SORCS2: variants seen among roughly 807,000 people sequenced by gnomAD.
The protein encoded by SORCS2 is sortilin related VPS10 domain containing receptor 2, also known as VPS10 domain-containing receptor SorCS2.
A neutral mutation model predicts 141.6 loss-of-function variants in SORCS2; 100 were observed. The observed-to-expected ratio is 0.71, with a 90% CI of 0.60 to 0.83. The LOEUF (loss-of-function observed/expected upper bound fraction) is 0.83. Ranked by LOEUF, SORCS2 falls within the 40% of genes least tolerant of loss-of-function variation. The pLI, the probability that SORCS2 is intolerant of heterozygous loss-of-function variation, is 0.00. For missense variants in SORCS2, 1,646 were observed against 1,560.2 expected (o/e 1.05, Z -0.93); for synonymous variants, 789 against 676.9 (o/e 1.17, Z -2.57).
intron 2 of SORCS2, among the ~76,000 whole-genome samples, chr4:7,414,007 G>C (rs1056122281): frequency 3.3e-5 from 5 of 152,204 alleles, no homozygotes; most frequent in African/African-American, 1.2e-4. Flanking sequence ...AGACGAAAGA[G>C]CCATTTAGGG....
intron 1 of SORCS2, among the ~76,000 whole-genome samples, chr4:7,317,823 C>T (rs947502391): frequency 2.6e-5 from 4 of 152,288 alleles, no homozygotes; most frequent in East Asian, 3.9e-4. Context: ...CTCCACCATT[C>T]AGCTGATTCT....
intron 3 of SORCS2, among the ~76,000 whole-genome samples, chr4:7,591,625 A>C (rs893876610): frequency 1.3e-5 from 2 of 152,234 alleles, no homozygotes; most frequent in African/African-American, 4.8e-5. Context: ...GGCTCTTGGC[A>C]GTAGCTCTTT....
At chr4:7,492,624 C>T (rs1253156859) in intron 2 of SORCS2, among the ~76,000 whole-genome samples, 2 of 152,222 alleles carry the variant, frequency 1.3e-5, no homozygotes, top group Non-Finnish European at 2.9e-5. Flanking sequence ...AACGTCTGTA[C>T]TATTTTCCAC....
chr4:7,531,652 C>T (rs759069714), intron 3 of SORCS2, 23 bp downstream of exon 3: 14 of 1,604,854 alleles, frequency 8.7e-6, no homozygotes, highest in Admixed American at 6.7e-5. Flanking sequence ...TGGGGGTGGC[C>T]GCCACTCTGG....
chr4:7,543,610 GTCCATCCACCCA>G (rs1284783344), intron 3 of SORCS2, among the ~76,000 whole-genome samples: 3 of 52,126 alleles, frequency 5.8e-5, no homozygotes, highest in African/African-American at 1.6e-4. Flanking sequence ...CCATCCATCC[GTCCATCCACCCA>G]TCCATCCACC....
At chr4:7,354,579 G>C (rs528999615) in intron 1 of SORCS2, among the ~76,000 whole-genome samples, 7 of 152,210 alleles carry the variant, frequency 4.6e-5, no homozygotes, top group African/African-American at 1.7e-4. Flanking sequence ...CCTCTTTTGG[G>C]GTTTCTCTTC....
At chr4:7,616,802 T>G (rs988621389) in intron 3 of SORCS2, among the ~76,000 whole-genome samples, 1 of 152,260 alleles carries the variant, frequency 6.6e-6, no homozygotes, top group Non-Finnish European at 1.5e-5. Context: ...ATTTAATTAC[T>G]TGGTTTTAAA....
chr4:7,590,130 C>T (rs760507262), intron 3 of SORCS2, among the ~76,000 whole-genome samples: 8 of 152,242 alleles, frequency 5.3e-5, no homozygotes, highest in Middle Eastern at 3.4e-3. Flanking sequence ...GCATTCTGGC[C>T]GCACAGACAC....
chr4:7,549,099 C>T (rs1577732540), intron 3 of SORCS2, among the ~76,000 whole-genome samples: 1 of 152,090 alleles, frequency 6.6e-6, no homozygotes, highest in African/African-American at 2.4e-5. Context: ...AGGAGCGTGC[C>T]CCCAGCAAGG....
At position 7,740,970 on chromosome 4, in the gene SORCS2, G is replaced by A. The variant is rs1577146167; in HGVS notation, c.*706G>A. On this transcript the variant is annotated 3_prime_UTR_variant, in exon 27 of 27. Transcript: ENST00000507866. Reference sequence around the variant, plus strand: ...CCCAGGGTGTCTCCTCTGCCCAGAGGGGCAGCAGCTCTCCCTGGTTCTCCC... The same window carrying A: ...CCCAGGGTGTCTCCTCTGCCCAGAGAGGCAGCAGCTCTCCCTGGTTCTCCC... 5.0e-6 allele frequency: 2 copies of A among 398,230 alleles called. No homozygotes were observed. Among genetic ancestry groups the A allele is most frequent in the East Asian group, 3.6e-5 (1 of 28,032 alleles). The allele number at this position is 398,230 out of a possible 1,614,324, so 24.7% of individuals were successfully genotyped here. A position where few individuals can be genotyped will look rare whatever the true frequency, so the allele number is the denominator to read the frequency against.
At chr4:7,710,912 C>A (rs1308362359) in intron 14 of SORCS2, among the ~76,000 whole-genome samples, 2 of 152,180 alleles carry the variant, frequency 1.3e-5, no homozygotes, top group East Asian at 3.8e-4. Flanking sequence ...TGGTCTGGGG[C>A]TCCTGAACCC....
At chr4:7,654,751 G>A (rs1560459415) in intron 5 of SORCS2, among the ~76,000 whole-genome samples, 1 of 152,132 alleles carries the variant, frequency 6.6e-6, no homozygotes, top group Non-Finnish European at 1.5e-5. Flanking sequence ...AGCCCCTACT[G>A]GGTGCCAATG....
intron 1 of SORCS2, among the ~76,000 whole-genome samples, chr4:7,285,327 C>A (rs1716143218): frequency 6.6e-6 from 1 of 152,212 alleles, no homozygotes; most frequent in African/African-American, 2.4e-5. Context: ...GCCACCACGC[C>A]CGGCCCCATC....
intron 2 of SORCS2, among the ~76,000 whole-genome samples, chr4:7,491,559 A>G (rs1196957144): frequency 6.6e-6 from 1 of 152,240 alleles, no homozygotes; most frequent in African/African-American, 2.4e-5. Context: ...CACCTTGGCT[A>G]GGACCTCTCT....
At chr4:7,427,253 G>C (rs1489654612) in intron 2 of SORCS2, among the ~76,000 whole-genome samples, 2 of 151,656 alleles carry the variant, frequency 1.3e-5, no homozygotes, top group East Asian at 1.9e-4. Context: ...CTCAGGCTCT[G>C]GGGGGGGCTT....
intron 1 of SORCS2, among the ~76,000 whole-genome samples, chr4:7,351,268 C>G (rs1007507581): frequency 6.6e-6 from 1 of 152,186 alleles, no homozygotes; most frequent in African/African-American, 2.4e-5. Flanking sequence ...AGAACAGAGA[C>G]CTGCTCACAA....
Position 7,697,200 on chromosome 4 carries a change from A to T in SORCS2, c.1594A>T (p.Asn532Tyr). 6.3e-7 allele frequency: 1 copy of T among 1,579,488 alleles called. No individual in the cohort carries two copies. The highest frequency in any genetic ancestry group is 1.8e-5 in the Admixed American group (1 of 55,054). The change falls in exon 12 of 27, where the codon AAC becomes TAC. Residue 532 changes from asparagine to tyrosine, a missense_variant and splice_region_variant. Transcript: ENST00000507866. ...TAPGLIMGAG[N>Y]LGSQLVEYKE... is the part of the protein sequence containing the mutation. ...CTGCCCCTTTTCTTTTGGACCAGGT[A>T]ACCTGGGCTCACAGCTGGTGGAATA...
chr4:7,410,949 C>CTTTTTTTTT (rs5855962), intron 2 of SORCS2, among the ~76,000 whole-genome samples: 7 of 73,844 alleles, frequency 9.5e-5, no homozygotes, highest in Admixed American at 2.1e-4. Context: ...TCTCTCCATC[C>CTTTTTTTTT]TTTTTTTTTT....
At chr4:7,560,296 T>C (rs1266201555) in intron 3 of SORCS2, among the ~76,000 whole-genome samples, 1 of 152,062 alleles carries the variant, frequency 6.6e-6, no homozygotes, top group East Asian at 1.9e-4. Context: ...GAATACACTG[T>C]ATTATGGGGT....
Sources: allele counts gnomAD v4.1 joint callset (sites outside exome capture counted in the v4.1 genomes callset), GRCh38; gene constraint gnomAD v4.1.1; transcripts MANE v1.5; gene names NCBI Gene and HGNC (gene_info 2026-07-23, HGNC 2026-07-21).